Variants in FAM227B observed in about 807,000 individuals in gnomAD.
The protein encoded by FAM227B is protein FAM227B.
FAM227B carries 88 observed loss-of-function variants against 73.8 expected under a neutral mutation model. That is an observed-to-expected ratio of 1.19 (90% CI 1.00 to 1.42). The LOEUF (loss-of-function observed/expected upper bound fraction) is 1.42, where lower values mean the gene tolerates loss of function less well. Among genes scored for constraint, FAM227B ranks in the 40% most tolerant of loss-of-function variants. The probability of loss-of-function intolerance (pLI) is 0.00; values close to 1 mark genes in which losing one functional copy is unlikely to be tolerated. For missense variants in FAM227B, 632 were observed against 590.9 expected (o/e 1.07, Z -0.72); for synonymous variants, 210 against 190.5 (o/e 1.10, Z -0.84).
chr15:49,384,740 T>C (rs558255476), intron 11 of FAM227B, among the ~76,000 whole-genome samples: 1 of 152,148 alleles, frequency 6.6e-6, no homozygotes, highest in African/African-American at 2.4e-5. Flanking sequence ...GTTAAGATTA[T>C]AGATCCAAGA....
At chr15:49,395,843 C>G (rs749180964) in intron 11 of FAM227B, 16 of 430,938 alleles carry the variant, frequency 3.7e-5, no homozygotes, top group Non-Finnish European at 6.9e-5. Flanking sequence ...AAACTCAACA[C>G]ATTCAAAGGA....
At chr15:49,397,222 C>T (rs977544464) in intron 11 of FAM227B, among the ~76,000 whole-genome samples, 6 of 151,900 alleles carry the variant, frequency 3.9e-5, no homozygotes, top group Non-Finnish European at 7.4e-5. Context: ...GGAGCCGACG[C>T]GATCAACTAG....
At chr15:49,396,745 C>T (rs2047690228) in intron 11 of FAM227B, among the ~76,000 whole-genome samples, 1 of 147,996 alleles carries the variant, frequency 6.8e-6, no homozygotes, top group South Asian at 2.2e-4. Flanking sequence ...ACACTGACAC[C>T]TCACACGGCA....
chr15:49,396,110 A>T (rs1277908517), intron 11 of FAM227B: 1 of 406,552 alleles, frequency 2.5e-6, no homozygotes, highest in African/African-American at 2.1e-5. Context: ...AGGGAGTGCC[A>T]GACAGTGGGC....
intron 11 of FAM227B, among the ~76,000 whole-genome samples, chr15:49,376,165 G>C (rs950531186): frequency 1.3e-5 from 2 of 151,944 alleles, no homozygotes; most frequent in Non-Finnish European, 2.9e-5. Context: ...TTTTAATTTT[G>C]TTGCTTTTTT....
rs775753628 is a variant in FAM227B at position 49,371,284 on chromosome 15, A to G, written c.1110+18T>C. The G allele has an allele frequency of 4.1e-6, 6 of 1,481,358 alleles. No homozygotes were observed. The African/African-American group carries it at 5.6e-5, about 14-fold the overall frequency. The allele number at this position is 1,481,358 out of a possible 1,614,324, so 91.8% of individuals were successfully genotyped here. ...TTAAACAAGTAAGAAATTTTTTCAT[A>G]ATTATTATACTCCAAACCTTTGTTG... On this transcript the variant is annotated intron_variant, in intron 12 of 15. Transcript: ENST00000299338.
At chr15:49,368,029 A>G (rs77595045) in intron 12 of FAM227B, among the ~76,000 whole-genome samples, 3,397 of 152,228 alleles carry the variant, frequency 0.022, 61 homozygotes, top group African/African-American at 0.04. Context: ...CATCCCAGAC[A>G]AAGTTTTTTA....
intron 11 of FAM227B, among the ~76,000 whole-genome samples, chr15:49,473,813 T>C (rs2055005356): frequency 6.6e-6 from 1 of 152,092 alleles, no homozygotes; most frequent in Non-Finnish European, 1.5e-5. Context: ...TATTTCAACA[T>C]ATATTTATTT....
intron 13 of FAM227B, among the ~76,000 whole-genome samples, chr15:49,354,917 A>G (rs1041807048): frequency 6.6e-6 from 1 of 152,042 alleles, no homozygotes; most frequent in Admixed American, 6.5e-5. Flanking sequence ...TGCCTCCTCA[A>G]GTGGGTCCCT....
rs768167821 is a variant in FAM227B, at chr15:49,328,187, A to G, written c.*381T>C. ...AAATGTAAAAAGTCTGAGAGAAACT[A>G]CTTAGGGCACTTAGGAATTGGCAGG... On this transcript the variant is annotated 3_prime_UTR_variant, in exon 16 of 16. Transcript: ENST00000299338. 7.0e-6 allele frequency: 11 copies of G among 1,582,632 alleles called. No individual in the cohort carries two copies. In the East Asian group the frequency reaches 2.1e-4, roughly 30 times the overall value.
At chr15:49,603,758 CTT>C (rs2077347785) in intron 3 of FAM227B, among the ~76,000 whole-genome samples, 1 of 152,116 alleles carries the variant, frequency 6.6e-6, no homozygotes, top group African/African-American at 2.4e-5. Flanking sequence ...GCATTCAGCT[CTT>C]CTCCATTCAG....
intron 8 of FAM227B, among the ~76,000 whole-genome samples, chr15:49,569,354 T>A (rs1051594134): frequency 2.0e-5 from 3 of 151,896 alleles, no homozygotes. Context: ...TTTCTATTCT[T>A]TATTTCATTT....
chr15:49,605,680 C>T (rs1378423739), intron 3 of FAM227B, among the ~76,000 whole-genome samples: 1 of 151,892 alleles, frequency 6.6e-6, no homozygotes, highest in Non-Finnish European at 1.5e-5. Context: ...CCTGAGTACA[C>T]TGGAGTGGAC....
intron 11 of FAM227B, among the ~76,000 whole-genome samples, chr15:49,469,328 G>C (rs2054536526): frequency 6.6e-6 from 1 of 152,000 alleles, no homozygotes; most frequent in Admixed American, 6.6e-5. Context: ...GTTTATTCCA[G>C]GGATACTCTT....
intron 15 of FAM227B, chr15:49,331,401 T>G (rs981665939): frequency 5.7e-6 from 1 of 174,664 alleles, no homozygotes; most frequent in Non-Finnish European, 1.2e-5. Flanking sequence ...TATTCTGCCT[T>G]GATAATTGAG....
At chr15:49,596,887 T>C (rs772712244) in intron 3 of FAM227B, among the ~76,000 whole-genome samples, 1 of 151,982 alleles carries the variant, frequency 6.6e-6, no homozygotes, top group Admixed American at 6.6e-5. Flanking sequence ...GGACATTATA[T>C]AATGATGAAA....
intron 11 of FAM227B, among the ~76,000 whole-genome samples, chr15:49,398,069 C>G (rs910964550): frequency 6.6e-6 from 1 of 152,142 alleles, no homozygotes; most frequent in East Asian, 1.9e-4. Flanking sequence ...GATAAAGAGT[C>G]AAGACCCAAC....
rs567146095 is a variant in FAM227B at position 49,427,707 on chromosome 15, C to A, written c.1013-56308G>T. On this transcript the variant is annotated intron_variant, in intron 11 of 15. Coordinates refer to ENST00000299338, the MANE Select transcript of FAM227B (RefSeq NM_152647.3). ...GGACTACTCACTTCACCAGCAGAAG[C>A]AATGCTTCCACACAGGAATGTGGTT... 5.9e-5 allele frequency among the ~76,000 whole-genome samples: 9 copies of A among 152,070 alleles called. No homozygotes were observed. In the South Asian group the frequency reaches 1.0e-3, roughly 18 times the overall value.
At chr15:49,468,400 T>C (rs923094943) in intron 11 of FAM227B, among the ~76,000 whole-genome samples, 1 of 152,188 alleles carries the variant, frequency 6.6e-6, no homozygotes, top group African/African-American at 2.4e-5. Flanking sequence ...TATCTACTTG[T>C]GTTTCTTTCT....
Sources: allele counts gnomAD v4.1 joint callset (sites outside exome capture counted in the v4.1 genomes callset), GRCh38; gene constraint gnomAD v4.1.1; transcripts MANE v1.5; gene names NCBI Gene and HGNC (gene_info 2026-07-23, HGNC 2026-07-21).